Variants in RBFOX1 observed in about 807,000 individuals in gnomAD.
The protein encoded by RBFOX1 is RNA binding fox-1 homolog 1.
A neutral mutation model predicts 57.7 loss-of-function variants in RBFOX1; 8 were observed. The observed-to-expected ratio is 0.14, with a 90% CI of 0.08 to 0.25. The LOEUF (loss-of-function observed/expected upper bound fraction) is 0.25. Ranked by LOEUF, RBFOX1 falls within the 10% of genes least tolerant of loss-of-function variation. The pLI, the probability that RBFOX1 is intolerant of heterozygous loss-of-function variation, is 1.00. For missense variants in RBFOX1, 611 were observed against 548.5 expected (o/e 1.11, Z -1.14); for synonymous variants, 326 against 222.4 (o/e 1.47, Z -4.15).
At chr16:5,994,594 C>T (rs2060460071) in intron 4 of RBFOX1, among the ~76,000 whole-genome samples, 1 of 152,208 alleles carries the variant, frequency 6.6e-6, no homozygotes, top group Non-Finnish European at 1.5e-5. Flanking sequence ...ATATTTCTGG[C>T]TGTGTAGGTC....
chr16:7,219,176 A>G (rs1294153699), intron 4 of RBFOX1, among the ~76,000 whole-genome samples: 2 of 152,178 alleles, frequency 1.3e-5, no homozygotes, highest in African/African-American at 4.8e-5. Context: ...ATGAAAATGG[A>G]AGTTTCATAC....
chr16:6,667,200 A>G (rs2098738385), intron 3 of RBFOX1, among the ~76,000 whole-genome samples: 1 of 152,018 alleles, frequency 6.6e-6, no homozygotes, highest in African/African-American at 2.4e-5. Flanking sequence ...TGGGCCGGAA[A>G]CCTAAACGAC....
chr16:5,537,275 C>A (rs971103619), intron 2 of RBFOX1, among the ~76,000 whole-genome samples: 7 of 152,130 alleles, frequency 4.6e-5, no homozygotes, highest in Admixed American at 2.6e-4. Flanking sequence ...TTAGTTTCTC[C>A]CCATTGCCCA....
chr16:6,649,491 G>A (rs562482799), intron 2 of RBFOX1, among the ~76,000 whole-genome samples: 3 of 152,228 alleles, frequency 2.0e-5, no homozygotes, highest in African/African-American at 4.8e-5. Flanking sequence ...CGTACCCAAC[G>A]TGTAATCTTT....
chr16:6,424,005 C>T (rs1166989958), intron 2 of RBFOX1, among the ~76,000 whole-genome samples: 1 of 151,994 alleles, frequency 6.6e-6, no homozygotes, highest in African/African-American at 2.4e-5. Flanking sequence ...TTTGGGAGGC[C>T]GAGGCAGGTG....
chr16:5,483,609 C>T (rs1270652842), intron 2 of RBFOX1, among the ~76,000 whole-genome samples: 1 of 152,206 alleles, frequency 6.6e-6, no homozygotes. Flanking sequence ...CTTGCTACCT[C>T]TGGATATGCC....
chr16:6,864,995 CTTT>C (rs34341448), intron 3 of RBFOX1, among the ~76,000 whole-genome samples: 2 of 82,534 alleles, frequency 2.4e-5, no homozygotes, highest in South Asian at 8.0e-4. Flanking sequence ...TTTTCTTTTT[CTTT>C]TTTTTTTTTT....
chr16:6,935,759 G>T (rs995344842), intron 3 of RBFOX1, among the ~76,000 whole-genome samples: 2 of 152,180 alleles, frequency 1.3e-5, no homozygotes, highest in African/African-American at 2.4e-5. Flanking sequence ...AGAATGGAAA[G>T]TGCTTTGTAG....
chr16:7,380,170 C>T (rs977880048), intron 4 of RBFOX1, among the ~76,000 whole-genome samples: 1 of 152,108 alleles, frequency 6.6e-6, no homozygotes, highest in African/African-American at 2.4e-5. Flanking sequence ...TTATGTTTTG[C>T]TGTATACCTT....
rs571331098 is a variant in RBFOX1 at position 6,416,306 on chromosome 16, C to G, written c.-64+99249C>G. ...CTTGATTTTATTAAGCCGGTAAAATCACCCGACAGTTTAGATAGCTCAAGC... is the reference window on the plus strand; with the variant it reads ...CTTGATTTTATTAAGCCGGTAAAATGACCCGACAGTTTAGATAGCTCAAGC... On this transcript the variant is annotated intron_variant, in intron 2 of 15. Transcript: ENST00000550418. Among the ~76,000 whole-genome samples, 37 of 152,274 alleles carry G rather than the reference C, an allele frequency of 2.4e-4. 1 individual carries two copies. Among genetic ancestry groups the G allele is most frequent in the African/African-American group, 8.9e-4 (37 of 41,560 alleles).
Position 5,488,285 on chromosome 16 carries a change from GTGA to G in RBFOX1, c.258+21042_258+21044del, listed in dbSNP as rs1422600134. 2.9e-4 allele frequency among the ~76,000 whole-genome samples: 22 copies of G among 75,388 alleles called. 1 individual carries two copies. The highest frequency in any genetic ancestry group is 1.5e-3 in the South Asian group (2 of 1,298). 49.5% of individuals were successfully genotyped at this position (75,388 alleles called of 152,430 possible). A position where few individuals can be genotyped will look rare whatever the true frequency, so the allele number is the denominator to read the frequency against. Reference sequence around the variant, plus strand: ...GGTGATGATGGTGATGGTGGTGGTGGTGATGATGATGATAATGGAAGATAATGG... The same window carrying G: ...GGTGATGATGGTGATGGTGGTGGTGGTGATGATGATAATGGAAGATAATGG... On this transcript the variant is annotated intron_variant, in intron 2 of 2. Transcript: ENST00000585867.
At chr16:5,489,546 T>C (rs1413588659) in intron 2 of RBFOX1, among the ~76,000 whole-genome samples, 1 of 152,202 alleles carries the variant, frequency 6.6e-6, no homozygotes, top group African/African-American at 2.4e-5. Context: ...GGTTTCTTTG[T>C]CTGTAAAATG....
chr16:5,705,051 G>C (rs535454668), intron 3 of RBFOX1, among the ~76,000 whole-genome samples: 24 of 152,146 alleles, frequency 1.6e-4, no homozygotes, highest in African/African-American at 5.3e-4. Flanking sequence ...TATCCATTTT[G>C]CAAAATCAAA....
intron 1 of RBFOX1, among the ~76,000 whole-genome samples, chr16:6,181,648 C>G (rs2097063944): frequency 6.6e-6 from 1 of 152,142 alleles, no homozygotes; most frequent in South Asian, 2.1e-4. Flanking sequence ...AGGGTCCCCA[C>G]ATATTCACAT....
At chr16:7,058,816 A>G (rs2053324208) in intron 4 of RBFOX1, among the ~76,000 whole-genome samples, 1 of 152,196 alleles carries the variant, frequency 6.6e-6, no homozygotes, top group Non-Finnish European at 1.5e-5. Context: ...TTTATGTTCC[A>G]TTTATTGTTC....
At chr16:6,663,306 G>T (rs115303458) in intron 3 of RBFOX1, among the ~76,000 whole-genome samples, 2 of 152,186 alleles carry the variant, frequency 1.3e-5, no homozygotes, top group Admixed American at 6.5e-5. Flanking sequence ...GTTTGCTGCC[G>T]TGAGGAAGAA....
chr16:6,066,293 C>CAAAAAAAA lies in RBFOX1; in HGVS notation c.-127+46321_-127+46328dup, dbSNP rs372412356. ...CTGACTACAGAGCAAGACTCTGTCT[C>CAAAAAAAA]AAAAAAAAAAAAAAAAAAAAAAAAA... On this transcript the variant is annotated intron_variant, in intron 1 of 15. Transcript: ENST00000550418. Among the ~76,000 whole-genome samples, 18 of 50,384 alleles carry CAAAAAAAA rather than the reference C, an allele frequency of 3.6e-4. 3 individuals carry two copies. The highest frequency in any genetic ancestry group is 1.7e-3 in the African/African-American group (12 of 6,996). 33.1% of individuals were successfully genotyped at this position (50,384 alleles called of 152,430 possible). A position where few individuals can be genotyped will look rare whatever the true frequency, so the allele number is the denominator to read the frequency against.
At chr16:7,211,103 G>GT (rs2091037296) in intron 4 of RBFOX1, among the ~76,000 whole-genome samples, 1 of 143,588 alleles carries the variant, frequency 7.0e-6, no homozygotes, top group Non-Finnish European at 1.5e-5. Context: ...AAAAAAAAAG[G>GT]ACTCTGGGCC....
At chr16:7,612,101 C>G (rs1362782079) in intron 10 of RBFOX1, among the ~76,000 whole-genome samples, 1 of 151,870 alleles carries the variant, frequency 6.6e-6, no homozygotes, top group South Asian at 2.1e-4. Flanking sequence ...GCAGGTGGAT[C>G]ACGAGGTCAG....
Sources: gnomAD v4.1 joint callset for allele counts (sites outside exome capture counted in the v4.1 genomes callset) on GRCh38, gnomAD v4.1.1 for gene constraint, MANE v1.5 for transcripts, NCBI Gene and HGNC (gene_info 2026-07-23, HGNC 2026-07-21) for gene names.